MMP16: variants seen among roughly 807,000 people sequenced by gnomAD.
The protein encoded by MMP16 is matrix metallopeptidase 16.
In MMP16, 12 loss-of-function variants were observed where a neutral mutation model predicts 67.8. The observed-to-expected ratio is 0.18, with a 90% confidence interval of 0.11 to 0.29. The LOEUF (loss-of-function observed/expected upper bound fraction) is 0.29. MMP16 is among the 10% of genes least tolerant of loss of function. MMP16 has a pLI of 1.00. For synonymous variants in MMP16, 249 were observed against 255.9 expected (o/e 0.97, Z 0.26); for missense variants, 475 against 765.7 (o/e 0.62, Z 4.48).
At chr8:88,293,762 G>A (rs1810962081) in intron 1 of MMP16, among the ~76,000 whole-genome samples, 1 of 152,048 alleles carries the variant, frequency 6.6e-6, no homozygotes, top group Non-Finnish European at 1.5e-5. Flanking sequence ...AGACGGCATT[G>A]TATGAGTGAA....
chr8:88,140,480 G>T (rs1012636005), intron 4 of MMP16, among the ~76,000 whole-genome samples: 22 of 151,974 alleles, frequency 1.4e-4, no homozygotes, highest in African/African-American at 4.8e-5. Context: ...TGTTTCAATG[G>T]GACAAGTGTC....
At chr8:88,213,827 T>C (rs1344136177) in intron 1 of MMP16, among the ~76,000 whole-genome samples, 1 of 152,072 alleles carries the variant, frequency 6.6e-6, no homozygotes, top group African/African-American at 2.4e-5. Context: ...AATTGGAAAA[T>C]AAATGACTGT....
chr8:88,105,380 T>G (rs555175475), intron 6 of MMP16, among the ~76,000 whole-genome samples: 2 of 151,648 alleles, frequency 1.3e-5, no homozygotes, highest in South Asian at 4.1e-4. Flanking sequence ...TTCTCCTGTT[T>G]GTTGTAACGC....
intron 7 of MMP16, among the ~76,000 whole-genome samples, chr8:88,061,292 T>C (rs1808397082): frequency 6.6e-6 from 1 of 152,062 alleles, no homozygotes; most frequent in South Asian, 2.1e-4. Context: ...AAATAGAAAG[T>C]CTTAAAACAA....
chr8:88,141,920 T>C (rs527245047), intron 4 of MMP16, among the ~76,000 whole-genome samples: 1 of 108,976 alleles, frequency 9.2e-6, no homozygotes, highest in South Asian at 3.4e-4. Flanking sequence ...CATAAATATG[T>C]TTTTTTTTTT....
At chr8:88,069,391 A>G (rs779450624) in intron 7 of MMP16, 2 of 492,176 alleles carry the variant, frequency 4.1e-6, no homozygotes, top group Admixed American at 4.9e-5. Flanking sequence ...ATGGAAGATA[A>G]TTCTTCATAG....
At chr8:88,065,631 A>G (rs1808454078) in intron 7 of MMP16, among the ~76,000 whole-genome samples, 1 of 152,068 alleles carries the variant, frequency 6.6e-6, no homozygotes, top group African/African-American at 2.4e-5. Flanking sequence ...GTTACATCCT[A>G]TAAAGAAATA....
At position 88,286,192 on chromosome 8, in the gene MMP16, A is replaced by C. The variant is rs537174326; in HGVS notation, c.132+40883T>G. Reference sequence around the variant, plus strand: ...GCACTACATCGTCTATTTTCCCTCCAGGTACTTCTTTCCTATATCCTGTCC... The same window carrying C: ...GCACTACATCGTCTATTTTCCCTCCCGGTACTTCTTTCCTATATCCTGTCC... On this transcript the variant is annotated intron_variant, in intron 1 of 9. Coordinates refer to ENST00000286614, the MANE Select transcript of MMP16 (RefSeq NM_005941.5). 3.3e-5 allele frequency among the ~76,000 whole-genome samples: 5 copies of C among 152,226 alleles called. No individual in the cohort carries two copies. The East Asian group carries it at 9.7e-4, about 29-fold the overall frequency.
chr8:88,139,165 C>A (rs1222295959), intron 4 of MMP16, among the ~76,000 whole-genome samples: 1 of 152,020 alleles, frequency 6.6e-6, no homozygotes, highest in Non-Finnish European at 1.5e-5. Context: ...AAAATTACTA[C>A]ACATTCTCAT....
rs1389782871 is a variant in MMP16, at chr8:88,197,184, T to C, written c.255A>G (p.Thr85=). ...CAATTGTGTTTCTGTCCACTTTTCC[T>C]GTCATGTTAATGCCATAGAACTGCT... ...AMQQFYGINM[T]GKVDRNTIDW... The change falls in exon 2 of 10, where the codon ACA becomes ACG. Residue 85 remains threonine, a synonymous_variant. Transcript: ENST00000286614. The C allele has an allele frequency of 1.9e-6, 3 of 1,611,458 alleles. No homozygotes were observed. Among genetic ancestry groups the C allele is most frequent in the South Asian group, 1.1e-5 (1 of 90,660 alleles).
chr8:88,250,266 C>T (rs1344493422), intron 1 of MMP16, among the ~76,000 whole-genome samples: 5 of 152,004 alleles, frequency 3.3e-5, no homozygotes, highest in Non-Finnish European at 7.4e-5. Context: ...AACAGAAACC[C>T]TAAAAACTCC....
In MMP16 at chr8:88,037,104, C is replaced by T. The variant is rs775002150; in HGVS notation, c.*4357G>A. The T allele has an allele frequency of 1.5e-4, 23 of 149,978 alleles. No homozygotes were observed. Among genetic ancestry groups the T allele is most frequent in the Non-Finnish European group, 3.0e-4 (20 of 67,350 alleles). The allele number at this position is 149,978 out of a possible 1,614,324, so 9.3% of individuals were successfully genotyped here. On this transcript the variant is annotated 3_prime_UTR_variant, in exon 10 of 10. Coordinates refer to ENST00000286614, the MANE Select transcript of MMP16 (RefSeq NM_005941.5). ...CACTGTAAGATCCACAAAGTGTGGGCGTGTATGTGTACCATACTAGATATA... is the reference window on the plus strand; with the variant it reads ...CACTGTAAGATCCACAAAGTGTGGGTGTGTATGTGTACCATACTAGATATA...
At chr8:88,055,612 T>C (rs895677295) in intron 8 of MMP16, among the ~76,000 whole-genome samples, 9 of 152,222 alleles carry the variant, frequency 5.9e-5, no homozygotes, top group Non-Finnish European at 8.8e-5. Flanking sequence ...GAAAAAATAT[T>C]ATACTTCAAG....
At chr8:88,292,936 C>T (rs1272929560) in intron 1 of MMP16, among the ~76,000 whole-genome samples, 1 of 152,040 alleles carries the variant, frequency 6.6e-6, no homozygotes, top group East Asian at 1.9e-4. Flanking sequence ...CCTTTGAGAA[C>T]CTGAAGAAAG....
At position 88,237,058 on chromosome 8, in the gene MMP16, T is replaced by G. The variant is rs147450742; in HGVS notation, c.133-39752A>C. ...GTTAAATCTCCGCAACTGCTCAAAA[T>G]CTTTCATAAAGTAATTGTAAATGAC... is the stretch of plus-strand genomic sequence containing the variant. On this transcript the variant is annotated intron_variant, in intron 1 of 9. Coordinates refer to ENST00000286614, the MANE Select transcript of MMP16 (RefSeq NM_005941.5). 3.9e-3 allele frequency among the ~76,000 whole-genome samples: 595 copies of G among 152,306 alleles called. 6 individuals carry two copies. The highest frequency in any genetic ancestry group is 0.014 in the African/African-American group (564 of 41,578).
chr8:88,267,244 T>C (rs986970714), intron 1 of MMP16, among the ~76,000 whole-genome samples: 6 of 152,176 alleles, frequency 3.9e-5, no homozygotes, highest in Admixed American at 3.9e-4. Flanking sequence ...TGGTCATCCA[T>C]TGCCATTTTA....
At chr8:88,083,457 T>G (rs1808786007) in intron 6 of MMP16, among the ~76,000 whole-genome samples, 2 of 152,008 alleles carry the variant, frequency 1.3e-5, no homozygotes, top group Non-Finnish European at 2.9e-5. Flanking sequence ...AGCCAAAGCA[T>G]GGGAGCAGCT....
At chr8:88,259,068 A>C (rs1411665967) in intron 1 of MMP16, among the ~76,000 whole-genome samples, 1 of 152,168 alleles carries the variant, frequency 6.6e-6, no homozygotes, top group Non-Finnish European at 1.5e-5. Context: ...TTACAGATGA[A>C]GAAAATGAAG....
At chr8:88,117,873 A>T (rs140359387) in intron 5 of MMP16, among the ~76,000 whole-genome samples, 1 of 152,090 alleles carries the variant, frequency 6.6e-6, no homozygotes, top group Non-Finnish European at 1.5e-5. Context: ...TTGTCTTTGT[A>T]TCATAAAAAC....
Sources: allele counts gnomAD v4.1 joint callset (sites outside exome capture counted in the v4.1 genomes callset), GRCh38; gene constraint gnomAD v4.1.1; transcripts MANE v1.5; gene names NCBI Gene and HGNC (gene_info 2026-07-23, HGNC 2026-07-21).